Variants in ARHGAP28 observed in about 807,000 individuals in gnomAD.
The protein encoded by ARHGAP28 is rho GTPase-activating protein 28.
A neutral mutation model predicts 90.7 loss-of-function variants in ARHGAP28; 56 were observed. The observed-to-expected ratio is 0.62, with a 90% CI of 0.50 to 0.77. The LOEUF (loss-of-function observed/expected upper bound fraction) is 0.77, where lower values mean the gene tolerates loss of function less well. Ranked by LOEUF, ARHGAP28 falls within the 30% of genes least tolerant of loss-of-function variation. The pLI is 0.00. For missense variants in ARHGAP28, 869 were observed against 900.9 expected, an observed-to-expected ratio of 0.96 and a Z score of 0.45; for synonymous variants, 308 against 323.3, an observed-to-expected ratio of 0.95 and a Z score of 0.51.
intron 1 of ARHGAP28, among the ~76,000 whole-genome samples, chr18:6,750,784 A>G (rs1047130688): frequency 3.9e-5 from 6 of 152,192 alleles, no homozygotes; most frequent in Non-Finnish European, 8.8e-5. Flanking sequence ...TCTACCTCCA[A>G]ATATCACCAA....
chr18:6,832,320 A>C (rs1226280884), intron 2 of ARHGAP28, among the ~76,000 whole-genome samples: 2 of 151,984 alleles, frequency 1.3e-5, no homozygotes, highest in African/African-American at 4.8e-5. Flanking sequence ...TTTATGGCTC[A>C]GAATATTGTC....
At chr18:6,904,092 A>G (rs889232616) in intron 16 of ARHGAP28, among the ~76,000 whole-genome samples, 1 of 152,126 alleles carries the variant, frequency 6.6e-6, no homozygotes. Flanking sequence ...GTAAAACTGT[A>G]ACATATAAAA....
intron 16 of ARHGAP28, chr18:6,898,384 A>T (rs527271462): frequency 3.7e-6 from 3 of 808,160 alleles, no homozygotes; most frequent in East Asian, 2.6e-5. Flanking sequence ...TTTTATATAT[A>T]ATATATACAC....
At chr18:6,811,164 C>T (rs963102220) in intron 1 of ARHGAP28, among the ~76,000 whole-genome samples, 8 of 152,250 alleles carry the variant, frequency 5.3e-5, no homozygotes, top group Admixed American at 2.6e-4. Flanking sequence ...CAGTATGTGG[C>T]CATTTGAAGG....
Position 6,873,461 on chromosome 18 carries a change from C to CT in ARHGAP28, c.1008dup (p.Ala337CysfsTer2). The CT allele has an allele frequency of 6.2e-7, 1 of 1,613,990 alleles. No individual in the cohort carries two copies. Among genetic ancestry groups the CT allele is most frequent in the Admixed American group, 1.7e-5 (1 of 59,984 alleles). ...GGCTTAACTGAAGCAGGAGATCTGTCTGCTGAAGACATGAAGAAAATCCGC... is the reference window on the plus strand; with the variant it reads ...GGCTTAACTGAAGCAGGAGATCTGTCTTGCTGAAGACATGAAGAAAATCCGC... On this transcript the variant is annotated frameshift_variant, in exon 8 of 18. Transcript: ENST00000383472. LOFTEE classifies it high-confidence loss of function.
At chr18:6,738,141 TA>T (rs960296027) in intron 1 of ARHGAP28, among the ~76,000 whole-genome samples, 2 of 152,120 alleles carry the variant, frequency 1.3e-5, no homozygotes, top group African/African-American at 4.8e-5. Flanking sequence ...ACAAAAGTAG[TA>T]GGTAGTGTTT....
intron 1 of ARHGAP28, among the ~76,000 whole-genome samples, chr18:6,745,422 C>A (rs1057307833): frequency 6.6e-6 from 1 of 152,054 alleles, no homozygotes; most frequent in African/African-American, 2.4e-5. Flanking sequence ...ATCTAAAGAC[C>A]TCCAGGATTT....
intron 1 of ARHGAP28, among the ~76,000 whole-genome samples, chr18:6,772,385 A>G (rs985104424): frequency 1.4e-4 from 22 of 152,348 alleles, no homozygotes; most frequent in Admixed American, 9.8e-4. Flanking sequence ...CTCTATAGAA[A>G]AACGGTACAG....
chr18:6,750,596 T>A (rs921990758), intron 1 of ARHGAP28, among the ~76,000 whole-genome samples: 2 of 152,230 alleles, frequency 1.3e-5, no homozygotes, highest in African/African-American at 2.4e-5. Flanking sequence ...GAAGTCCAAG[T>A]GCTTGGTGCT....
At chr18:6,850,733 A>T in intron 3 of ARHGAP28, 2 of 1,351,112 alleles carry the variant, frequency 1.5e-6, no homozygotes, top group Non-Finnish European at 2.0e-6. Flanking sequence ...AGAACATACC[A>T]TCTTGGAGCA....
intron 5 of ARHGAP28, among the ~76,000 whole-genome samples, chr18:6,864,663 T>C (rs1328684081): frequency 2.0e-5 from 3 of 152,080 alleles, no homozygotes; most frequent in Non-Finnish European, 2.9e-5. Flanking sequence ...CAATATATTT[T>C]AAATTAATAA....
chr18:6,908,992 A>G lies in ARHGAP28; in HGVS notation c.2063A>G (p.Asn688Ser). ...HGSSECIKIQ[N>S]QRLYEIGGNI... The stretch of plus-strand genomic sequence containing the variant: ...TCATCAGAATGTATTAAGATTCAGA[A>G]CCAAAGGTTATATGAAATTGGAGGA... The change falls in exon 17 of 18, where the codon AAC becomes AGC. Residue 688 changes from asparagine to serine, a missense_variant. Asn to Ser is a conservative substitution (Grantham distance 46). Coordinates refer to ENST00000383472, the MANE Select transcript of ARHGAP28 (RefSeq NM_001366230.1). 2.6e-6 allele frequency: 4 copies of G among 1,540,594 alleles called. No individual in the cohort carries two copies. The highest frequency in any genetic ancestry group is 1.4e-5 in the African/African-American group (1 of 72,844).
intron 15 of ARHGAP28, among the ~76,000 whole-genome samples, chr18:6,895,657 C>G (rs1366675841): frequency 6.6e-6 from 1 of 152,186 alleles, no homozygotes; most frequent in African/African-American, 2.4e-5. Flanking sequence ...TCTCCTCTTA[C>G]AAGGATGCAA....
At chr18:6,803,223 C>T (rs1159919702) in intron 1 of ARHGAP28, among the ~76,000 whole-genome samples, 1 of 151,998 alleles carries the variant, frequency 6.6e-6, no homozygotes, top group Admixed American at 6.6e-5. Flanking sequence ...ACTGTTTTTC[C>T]TAGATTCCCT....
intron 3 of ARHGAP28, among the ~76,000 whole-genome samples, chr18:6,849,597 A>G (rs1323630069): frequency 6.6e-6 from 1 of 152,198 alleles, no homozygotes; most frequent in East Asian, 1.9e-4. Flanking sequence ...AAAAACTTAA[A>G]TCCTAAATTG....
rs574155672 is a variant in ARHGAP28, at chr18:6,854,618, C to T, written c.636+3492C>T. Among the ~76,000 whole-genome samples, 123 of 152,244 alleles carry T rather than the reference C, an allele frequency of 8.1e-4. No individual in the cohort carries two copies. In the South Asian group the frequency reaches 0.017, roughly 21 times the overall value. ...TCTGGAGCTGCCTCTGTGAAGACGC[C>T]GGCTACAGCAAGGGAGGTGCAGCCA... is the stretch of plus-strand genomic sequence containing the variant. On this transcript the variant is annotated intron_variant, in intron 4 of 17. Coordinates refer to ENST00000383472, the MANE Select transcript of ARHGAP28 (RefSeq NM_001366230.1).
chr18:6,880,960 A>C (rs976183679), intron 10 of ARHGAP28, among the ~76,000 whole-genome samples: 1 of 152,192 alleles, frequency 6.6e-6, no homozygotes, highest in African/African-American at 2.4e-5. Flanking sequence ...GGTTTTGTAA[A>C]GTGTATTTAT....
intron 1 of ARHGAP28, among the ~76,000 whole-genome samples, chr18:6,739,890 CGTT>C (rs2143168356): frequency 6.9e-6 from 1 of 145,774 alleles, no homozygotes; most frequent in African/African-American, 2.5e-5. Flanking sequence ...GTTTCACTCT[CGTT>C]GTCCAGGCTT....
chr18:6,877,798 C>A (rs2057143710), intron 10 of ARHGAP28, among the ~76,000 whole-genome samples: 1 of 152,150 alleles, frequency 6.6e-6, no homozygotes, highest in Admixed American at 6.5e-5. Flanking sequence ...AGGATGAAAA[C>A]CATTACTTAT....
Sources: gnomAD v4.1 joint callset for allele counts (sites outside exome capture counted in the v4.1 genomes callset) on GRCh38, gnomAD v4.1.1 for gene constraint, MANE v1.5 for transcripts, NCBI Gene and HGNC (gene_info 2026-07-23, HGNC 2026-07-21) for gene names.